FAM222B: variants seen among roughly 807,000 people sequenced by gnomAD.
FAM222B encodes family with sequence similarity 222 member B, also known as protein FAM222B.
Under a neutral mutation model 38.0 loss-of-function variants are expected in FAM222B, and 12 were observed. The observed-to-expected ratio is 0.32, with a 90% CI of 0.20 to 0.51. The LOEUF (loss-of-function observed/expected upper bound fraction) is 0.51. FAM222B is among the 20% of genes least tolerant of loss of function. The probability of loss-of-function intolerance (pLI) is 0.97; values close to 1 mark genes in which losing one functional copy is unlikely to be tolerated. For missense variants in FAM222B, 716 were observed against 754.2 expected, an observed-to-expected ratio of 0.95 and a Z score of 0.59; for synonymous variants, 329 against 317.2, an observed-to-expected ratio of 1.04 and a Z score of -0.40.
intron 1 of FAM222B, among the ~76,000 whole-genome samples, chr17:28,803,747 AGACG>A (rs2037347428): frequency 6.6e-6 from 1 of 152,094 alleles, no homozygotes; most frequent in Non-Finnish European, 1.5e-5. Flanking sequence ...TGGGAGGCCG[AGACG>A]GGTGGATCAA....
chr17:28,763,996 T>C (rs549847685), intron 2 of FAM222B, among the ~76,000 whole-genome samples: 1 of 152,326 alleles, frequency 6.6e-6, no homozygotes, highest in East Asian at 1.9e-4. Context: ...TCAAAGTTGT[T>C]ATCTGAAGAT....
intron 1 of FAM222B, among the ~76,000 whole-genome samples, chr17:28,786,489 C>G (rs115271563): frequency 4.6e-5 from 7 of 152,180 alleles, no homozygotes; most frequent in Non-Finnish European, 1.0e-4. Context: ...AATCCTAGCA[C>G]AGAAAACCCT....
chr17:28,831,332 A>G (rs2038660465), intron 1 of FAM222B, among the ~76,000 whole-genome samples: 1 of 151,920 alleles, frequency 6.6e-6, no homozygotes, highest in Non-Finnish European at 1.5e-5. Flanking sequence ...TCATTGATCT[A>G]TGTATCTATC....
chr17:28,825,662 G>C (rs953999105), intron 1 of FAM222B, among the ~76,000 whole-genome samples: 2 of 152,026 alleles, frequency 1.3e-5, no homozygotes, highest in African/African-American at 4.8e-5. Context: ...TATACTCCTA[G>C]ATCTTAAATG....
At chr17:28,811,149 T>C (rs1057087904) in intron 1 of FAM222B, among the ~76,000 whole-genome samples, 2 of 152,126 alleles carry the variant, frequency 1.3e-5, no homozygotes, top group Admixed American at 6.5e-5. Flanking sequence ...TCGTTGAAAA[T>C]GCCCATTTAG....
chr17:28,794,705 T>G (rs1418673960), intron 1 of FAM222B, among the ~76,000 whole-genome samples: 4 of 152,188 alleles, frequency 2.6e-5, no homozygotes, highest in Non-Finnish European at 2.9e-5. Context: ...CCTACAAGTC[T>G]TCTTCTTCAA....
intron 1 of FAM222B, among the ~76,000 whole-genome samples, chr17:28,808,952 G>A (rs143341871): frequency 1.8e-3 from 280 of 152,234 alleles, no homozygotes; most frequent in African/African-American, 6.7e-3. Context: ...CCTTCTCAAG[G>A]GGATCATTTT....
At chr17:28,835,077 G>A (rs543779999) in intron 1 of FAM222B, among the ~76,000 whole-genome samples, 4 of 132,616 alleles carry the variant, frequency 3.0e-5, no homozygotes, top group Admixed American at 7.6e-5. Flanking sequence ...ATGGAGTCAC[G>A]CTCTATCGCC....
intron 1 of FAM222B, among the ~76,000 whole-genome samples, chr17:28,775,131 G>T (rs1434836829): frequency 2.0e-5 from 3 of 149,692 alleles, no homozygotes; most frequent in Non-Finnish European, 4.4e-5. Flanking sequence ...CTCCTGAGTA[G>T]CTGGGATTAC....
chr17:28,835,029 T>TGTGTGA (rs1368323998), intron 1 of FAM222B, among the ~76,000 whole-genome samples: 3 of 28,630 alleles, frequency 1.0e-4, no homozygotes, highest in Non-Finnish European at 2.5e-4. Context: ...TAATTTTGTG[T>TGTGTGA]GTGTGTGTGT....
intron 1 of FAM222B, among the ~76,000 whole-genome samples, chr17:28,784,282 TG>T (rs1392525548): frequency 6.6e-6 from 1 of 151,498 alleles, no homozygotes; most frequent in African/African-American, 2.4e-5. Context: ...AAGACCAGCA[TG>T]GGCAACGCAG....
Position 28,759,557 on chromosome 17 carries a change from T to A in FAM222B, c.402A>T (p.Ala134=), listed in dbSNP as rs367610761. 43 of 1,607,474 alleles carry A rather than the reference T, an allele frequency of 2.7e-5. No individual in the cohort carries two copies. The Middle Eastern group carries it at 6.6e-4, about 25-fold the overall frequency. ...TGCTGGGTGCCACAGTAGCATAGGG[T>A]GCCACTGGGGGGTTCATGATGGCCT... is the stretch of plus-strand genomic sequence containing the variant. ...LPEAIMNPPV[A]PYATVAPSTL... The change falls in exon 3 of 3, where the codon GCA becomes GCT. Residue 134 remains alanine (A), a synonymous_variant. Coordinates refer to ENST00000581407, the MANE Select transcript of FAM222B (RefSeq NM_001077498.3). The surrounding 1 kb of genome is among the most constrained non-coding windows in gnomAD (Gnocchi z 4.8).
At position 28,759,605 on chromosome 17, in the gene FAM222B, G is replaced by A. The variant is rs2151757884; in HGVS notation, c.354C>T (p.Gly118=). 1.9e-6 allele frequency: 3 copies of A among 1,612,642 alleles called. No homozygotes were observed. The highest frequency in any genetic ancestry group is 4.5e-5 in the East Asian group (2 of 44,842). ...CCTCAGGGAGCAACCGGGCTCGGGT[G>A]CCGTCAAAGTCCTTGAGTATGCTTT... is the stretch of plus-strand genomic sequence containing the variant. ...PAKSILKDFD[G]TRARLLPEAI... is the part of the protein sequence containing the mutation. The change falls in exon 3 of 3, where the codon GGC becomes GGT. Residue 118 remains glycine (G), a synonymous_variant. Transcript: ENST00000581407. This position sits in a 1 kb window ranked among gnomAD's most constrained non-coding sequence, Gnocchi z 4.8.
intron 1 of FAM222B, among the ~76,000 whole-genome samples, chr17:28,822,519 G>C (rs2038262436): frequency 6.6e-6 from 1 of 151,092 alleles, no homozygotes; most frequent in Admixed American, 6.6e-5. Context: ...CAGCACTTTT[G>C]GGAGACTGAA....
At chr17:28,812,259 T>G (rs1253070686) in intron 1 of FAM222B, 1 of 152,392 alleles carries the variant, frequency 6.6e-6, no homozygotes, top group Non-Finnish European at 1.5e-5. Flanking sequence ...GTGGGGCTCC[T>G]GGCTCCGCCC....
chr17:28,767,724 C>T (rs2035410258), intron 1 of FAM222B, among the ~76,000 whole-genome samples: 1 of 152,186 alleles, frequency 6.6e-6, no homozygotes, highest in African/African-American at 2.4e-5. Flanking sequence ...GGTCCGCCCG[C>T]CTCAGCTTCC....
In FAM222B at chr17:28,759,035, G is replaced by A. The variant is rs555899896; in HGVS notation, c.924C>T (p.Thr308=). The A allele has an allele frequency of 1.6e-5, 26 of 1,612,874 alleles. No homozygotes were observed. Among genetic ancestry groups the A allele is most frequent in the Non-Finnish European group, 2.2e-5 (26 of 1,179,466 alleles). The change falls in exon 3 of 3, where the codon ACC becomes ACT. Residue 308 remains threonine (T), a synonymous_variant. Transcript: ENST00000581407. The surrounding 1 kb of genome is among the most constrained non-coding windows in gnomAD (Gnocchi z 4.8). ...TGGGGACGCTGTGGGTCGACACCCG[G>A]GTGCTTGCATTGATGAGCAGACTGC... ...ISRSLLINAS[T]RVSTHSVPTP... is the part of the protein sequence containing the mutation.
intron 1 of FAM222B, among the ~76,000 whole-genome samples, chr17:28,831,245 C>T (rs148639010): frequency 5.3e-5 from 8 of 152,170 alleles, no homozygotes; most frequent in East Asian, 1.9e-4. Flanking sequence ...TCCCCCACCT[C>T]GACCTCCCAA....
At chr17:28,854,965 T>A (rs2039217336) in exon 1 of FAM222B, 1 of 1,498,448 alleles carries the variant, frequency 6.7e-7, no homozygotes, top group Admixed American at 2.3e-5. Context: ...TCCTACTCGC[T>A]GGTTCGTCAG....
Sources: gnomAD v4.1 joint callset for allele counts (sites outside exome capture counted in the v4.1 genomes callset) on GRCh38, gnomAD v4.1.1 for gene constraint, Gnocchi (gnomAD v3.1) non-coding constraint, MANE v1.5 for transcripts, NCBI Gene and HGNC (gene_info 2026-07-23, HGNC 2026-07-21) for gene names.